FHIP1A: variants seen among roughly 807,000 people sequenced by gnomAD.
FHIP1A encodes FHF complex subunit HOOK interacting protein 1A.
A neutral mutation model predicts 88.6 loss-of-function variants in FHIP1A; 61 were observed. The observed-to-expected ratio is 0.69, with a 90% CI of 0.56 to 0.85. The LOEUF is 0.85. Ranked by LOEUF, FHIP1A falls within the 40% of genes least tolerant of loss-of-function variation. FHIP1A has a pLI of 0.00. For synonymous variants in FHIP1A, 478 were observed against 496.0 expected (o/e 0.96, Z 0.48); for missense variants, 1,154 against 1,273.5 (o/e 0.91, Z 1.43).
At chr4:151,457,815 G>A (rs965028288) in intron 2 of FHIP1A, among the ~76,000 whole-genome samples, 2 of 152,094 alleles carry the variant, frequency 1.3e-5, no homozygotes, top group Admixed American at 1.3e-4. Flanking sequence ...ATGAATATAA[G>A]TTTCTAGGGA....
chr4:151,474,968 G>A (rs1276044473), intron 2 of FHIP1A, among the ~76,000 whole-genome samples: 3 of 152,156 alleles, frequency 2.0e-5, no homozygotes, highest in African/African-American at 7.2e-5. Flanking sequence ...TTGTGCTTTA[G>A]AATTCATAAG....
intron 7 of FHIP1A, among the ~76,000 whole-genome samples, chr4:151,597,571 G>A (rs144069612): frequency 1.3e-5 from 2 of 152,162 alleles, no homozygotes; most frequent in East Asian, 1.9e-4. Context: ...TGGGAGATCC[G>A]CTGCTCTCTT....
At chr4:151,578,228 G>A (rs908964755) in intron 5 of FHIP1A, among the ~76,000 whole-genome samples, 152 bp downstream of exon 5, 2 of 152,286 alleles carry the variant, frequency 1.3e-5, no homozygotes, top group East Asian at 3.9e-4. Context: ...TTTGGAGGGA[G>A]CAGACGAATC....
At chr4:151,414,056 GT>G (rs775202254) in intron 1 of FHIP1A, among the ~76,000 whole-genome samples, 7 of 144,580 alleles carry the variant, frequency 4.8e-5, no homozygotes, top group African/African-American at 1.0e-4. Flanking sequence ...GTGTTTGTTT[GT>G]TTTTTTTTTT....
intron 2 of FHIP1A, among the ~76,000 whole-genome samples, chr4:151,455,545 C>T (rs1728936441): frequency 6.6e-6 from 1 of 152,190 alleles, no homozygotes; most frequent in South Asian, 2.1e-4. Context: ...GAGTCAATTT[C>T]ATTACTTTCT....
intron 3 of FHIP1A, among the ~76,000 whole-genome samples, chr4:151,495,222 G>T (rs1227836153): frequency 3.9e-5 from 6 of 152,112 alleles, no homozygotes; most frequent in Non-Finnish European, 7.4e-5. Flanking sequence ...ATGGAAAGGG[G>T]CCGAGTGTGG....
intron 3 of FHIP1A, among the ~76,000 whole-genome samples, chr4:151,558,936 G>A (rs1733062839): frequency 6.6e-6 from 1 of 152,138 alleles, no homozygotes; most frequent in Non-Finnish European, 1.5e-5. Context: ...CACTTAAAAA[G>A]TGCTTCTGAA....
At chr4:151,526,087 T>A (rs1580668039) in intron 3 of FHIP1A, among the ~76,000 whole-genome samples, 1 of 152,178 alleles carries the variant, frequency 6.6e-6, no homozygotes, top group Non-Finnish European at 1.5e-5. Context: ...AGGTCACAGT[T>A]CAACAGGATC....
intron 2 of FHIP1A, among the ~76,000 whole-genome samples, chr4:151,459,498 T>C (rs1481116938): frequency 6.6e-6 from 1 of 152,140 alleles, no homozygotes; most frequent in Non-Finnish European, 1.5e-5. Context: ...GAAAAACTGG[T>C]CTAGTTTGTT....
chr4:151,578,625 A>G (rs1393555214), intron 5 of FHIP1A, among the ~76,000 whole-genome samples: 1 of 152,190 alleles, frequency 6.6e-6, no homozygotes, highest in African/African-American at 2.4e-5. Context: ...GGAGGAGTAG[A>G]AACTCTCATT....
intron 5 of FHIP1A, among the ~76,000 whole-genome samples, chr4:151,584,125 T>C (rs1641781234): frequency 6.6e-6 from 1 of 152,188 alleles, no homozygotes; most frequent in Non-Finnish European, 1.5e-5. Context: ...ATGGTTCATC[T>C]GTTTGTCTTC....
At chr4:151,494,580 A>C (rs1436552534) in intron 3 of FHIP1A, among the ~76,000 whole-genome samples, 1 of 152,082 alleles carries the variant, frequency 6.6e-6, no homozygotes, top group Non-Finnish European at 1.5e-5. Flanking sequence ...GTAGCCTTGT[A>C]GTATGGTTTA....
intron 1 of FHIP1A, among the ~76,000 whole-genome samples, chr4:151,429,814 A>G (rs1443969650): frequency 1.4e-5 from 2 of 144,594 alleles, no homozygotes; most frequent in African/African-American, 2.6e-5. Flanking sequence ...GCACCACTGC[A>G]CTCCAGCCTG....
intron 3 of FHIP1A, among the ~76,000 whole-genome samples, chr4:151,548,744 C>T (rs1042223578): frequency 3.3e-5 from 5 of 152,104 alleles, no homozygotes; most frequent in African/African-American, 1.2e-4. Context: ...CAACATGGCA[C>T]CATCCCATCT....
intron 7 of FHIP1A, among the ~76,000 whole-genome samples, chr4:151,592,393 C>G (rs1424713570): frequency 6.6e-6 from 1 of 152,160 alleles, no homozygotes; most frequent in Non-Finnish European, 1.5e-5. Flanking sequence ...CTCAGCCTCC[C>G]AAAGTGCTGA....
intron 9 of FHIP1A, among the ~76,000 whole-genome samples, chr4:151,639,913 G>A (rs1736505131): frequency 6.6e-6 from 1 of 152,160 alleles, no homozygotes; most frequent in African/African-American, 2.4e-5. Flanking sequence ...GGGGGAAGAG[G>A]GAGGAGACCT....
chr4:151,422,473 G>A (rs1477903046), intron 1 of FHIP1A, among the ~76,000 whole-genome samples: 2 of 152,068 alleles, frequency 1.3e-5, no homozygotes, highest in African/African-American at 2.4e-5. Context: ...TGCAACCTCC[G>A]TCTCCTGGGT....
At chr4:151,572,660 T>C (rs1385391649) in intron 4 of FHIP1A, among the ~76,000 whole-genome samples, 1 of 152,238 alleles carries the variant, frequency 6.6e-6, no homozygotes, top group Non-Finnish European at 1.5e-5. Context: ...TTGGAAAATA[T>C]TGCATAGTAA....
chr4:151,560,803 A>T (rs1255456653), intron 3 of FHIP1A, among the ~76,000 whole-genome samples: 3 of 152,182 alleles, frequency 2.0e-5, no homozygotes, highest in African/African-American at 7.2e-5. Context: ...TACTTGCTAT[A>T]AATTTCAAAA....
Sources: allele counts gnomAD v4.1 joint callset (sites outside exome capture counted in the v4.1 genomes callset), GRCh38; gene constraint gnomAD v4.1.1; transcripts MANE v1.5; gene names NCBI Gene and HGNC (gene_info 2026-07-23, HGNC 2026-07-21).